The following CSMD1 variants were observed in gnomAD, a reference collection of about 807,000 sequenced individuals.
The protein encoded by CSMD1 is CUB and Sushi multiple domains 1, also known as CUB and sushi domain-containing protein 1.
Under a neutral mutation model 417.5 loss-of-function variants are expected in CSMD1, and 213 were observed. The observed-to-expected ratio is 0.51, with a 90% CI of 0.46 to 0.57. The LOEUF (loss-of-function observed/expected upper bound fraction) is 0.57. Among genes scored for constraint, CSMD1 ranks in the 20% least tolerant of loss-of-function variants. CSMD1 has a pLI of 0.00. For synonymous variants in CSMD1, 2,862 were observed against 1,736.8 expected (o/e 1.65, Z -16.11); for missense variants, 6,923 against 4,529.7 (o/e 1.53, Z -15.17).
rs1202170508 is a variant in CSMD1, at chr8:3,853,977, ATATT to A, written c.819-99939_819-99936del. On this transcript the variant is annotated intron_variant, in intron 5 of 69. Coordinates refer to ENST00000635120, the MANE Select transcript of CSMD1 (RefSeq NM_033225.6). ...AATATATTAAATATATCATGTCAAT[ATATT>A]TATATATTTAATATATGATACATAA... is the stretch of plus-strand genomic sequence containing the variant. Among the ~76,000 whole-genome samples the A allele has an allele frequency of 4.2e-5, 6 of 141,180 alleles. No individual in the cohort carries two copies. The East Asian group carries it at 7.8e-4, about 18-fold the overall frequency. 92.6% of individuals were successfully genotyped at this position (141,180 alleles called of 152,430 possible).
chr8:4,727,186 C>G (rs1020149958), intron 1 of CSMD1, among the ~76,000 whole-genome samples: 2 of 152,154 alleles, frequency 1.3e-5, no homozygotes, highest in Admixed American at 6.5e-5. Context: ...TCTCCATTCT[C>G]TCTGAGAAAG....
At chr8:4,572,540 G>A (rs750314970) in intron 2 of CSMD1, among the ~76,000 whole-genome samples, 2 of 152,132 alleles carry the variant, frequency 1.3e-5, no homozygotes, top group African/African-American at 4.8e-5. Flanking sequence ...CTCTCTAGCT[G>A]CCCTTAGCAT....
At chr8:3,635,992 C>T (rs912046826) in intron 7 of CSMD1, among the ~76,000 whole-genome samples, 11 of 152,088 alleles carry the variant, frequency 7.2e-5, no homozygotes, top group Non-Finnish European at 1.6e-4. Context: ...TAACACTTAG[C>T]TTGAAACACA....
intron 1 of CSMD1, among the ~76,000 whole-genome samples, chr8:4,743,515 GA>G (rs1176508416): frequency 6.6e-6 from 1 of 152,172 alleles, no homozygotes; most frequent in Non-Finnish European, 1.5e-5. Flanking sequence ...CTCCTGCTTT[GA>G]GTTCATGATG....
chr8:4,599,906 G>A lies in CSMD1; in HGVS notation c.302+37436C>T, dbSNP rs75663093. Among the ~76,000 whole-genome samples, 54 of 152,280 alleles carry A rather than the reference G, an allele frequency of 3.5e-4. No individual in the cohort carries two copies. In the East Asian group the frequency reaches 0.01, roughly 29 times the overall value. On this transcript the variant is annotated intron_variant, in intron 2 of 69. Coordinates refer to ENST00000635120, the MANE Select transcript of CSMD1 (RefSeq NM_033225.6). Reference sequence around the variant, plus strand: ...AGTTTTTTGTAAACTGCTCAAAGTAGCATAATTCATAAGCTGAACCCAGGT... The same window carrying A: ...AGTTTTTTGTAAACTGCTCAAAGTAACATAATTCATAAGCTGAACCCAGGT...
chr8:3,277,821 G>A (rs1179896761), intron 26 of CSMD1, among the ~76,000 whole-genome samples: 2 of 152,168 alleles, frequency 1.3e-5, no homozygotes, highest in African/African-American at 2.4e-5. Context: ...AATGGGATTG[G>A]GGGGATGAAT....
At chr8:4,173,303 A>G (rs1040664914) in intron 3 of CSMD1, among the ~76,000 whole-genome samples, 1 of 152,178 alleles carries the variant, frequency 6.6e-6, no homozygotes, top group African/African-American at 2.4e-5. Flanking sequence ...TCCAAATTGA[A>G]GTGGGAAATT....
At chr8:3,746,454 T>C (rs1021591734) in intron 6 of CSMD1, among the ~76,000 whole-genome samples, 2 of 152,230 alleles carry the variant, frequency 1.3e-5, no homozygotes, top group East Asian at 3.8e-4. Flanking sequence ...AAAGTGGTTT[T>C]ATATATAACA....
At chr8:3,308,555 C>T (rs1241301161) in intron 23 of CSMD1, 52 bp from the exon 24 acceptor site, 40 of 1,461,214 alleles carry the variant, frequency 2.7e-5, no homozygotes, top group Non-Finnish European at 3.6e-5. Context: ...GGACATCTGC[C>T]TTAAAACAGA....
At chr8:3,498,732 G>A (rs545086137) in intron 10 of CSMD1, among the ~76,000 whole-genome samples, 3 of 151,996 alleles carry the variant, frequency 2.0e-5, no homozygotes, top group Non-Finnish European at 4.4e-5. Context: ...CGAAAATCCT[G>A]TCTCCAGGTT....
chr8:4,384,364 C>T lies in CSMD1; in HGVS notation c.415+35589G>A, dbSNP rs148942207. Among the ~76,000 whole-genome samples, 175 of 152,288 alleles carry T rather than the reference C, an allele frequency of 1.1e-3. 1 individual carries two copies. The highest frequency in any genetic ancestry group is 2.1e-3 in the Non-Finnish European group (143 of 68,022). On this transcript the variant is annotated intron_variant, in intron 3 of 69. Transcript: ENST00000635120. ...CACCACAATGCAACGCATCTGAGGC[C>T]CATCACTATGAAGCTACAAAATATT...
At chr8:3,903,895 C>A (rs1474087332) in intron 5 of CSMD1, among the ~76,000 whole-genome samples, 1 of 152,078 alleles carries the variant, frequency 6.6e-6, no homozygotes, top group African/African-American at 2.4e-5. Flanking sequence ...TTTACCTCCA[C>A]AGGACACGTG....
chr8:3,288,245 G>T (rs953835131), intron 25 of CSMD1, among the ~76,000 whole-genome samples: 1 of 147,230 alleles, frequency 6.8e-6, no homozygotes, highest in Non-Finnish European at 1.5e-5. Flanking sequence ...GTTCATCAGG[G>T]ATATTGGTCT....
chr8:4,362,686 G>A (rs575993693), intron 3 of CSMD1, among the ~76,000 whole-genome samples: 3 of 152,204 alleles, frequency 2.0e-5, no homozygotes, highest in Non-Finnish European at 4.4e-5. Context: ...AGAAATTATG[G>A]GATGACTGAT....
intron 46 of CSMD1, among the ~76,000 whole-genome samples, chr8:3,101,055 GTTT>G (rs3053035): frequency 9.5e-4 from 133 of 140,418 alleles, no homozygotes; most frequent in Admixed American, 3.3e-3. Context: ...TACGTATGGT[GTTT>G]TTTTTTTTTT....
At chr8:3,678,302 G>A (rs373436625) in intron 7 of CSMD1, among the ~76,000 whole-genome samples, 9 of 152,246 alleles carry the variant, frequency 5.9e-5, no homozygotes, top group Admixed American at 2.6e-4. Flanking sequence ...ATGATTAGAC[G>A]AATGGCTAAC....
At chr8:3,119,461 A>G (rs538826872) in intron 41 of CSMD1, among the ~76,000 whole-genome samples, 11 of 149,476 alleles carry the variant, frequency 7.4e-5, no homozygotes, top group African/African-American at 2.7e-4. Context: ...AATTTTTTAT[A>G]ACATGATTTA....
At chr8:3,120,127 C>A (rs1447839900) in intron 41 of CSMD1, among the ~76,000 whole-genome samples, 1 of 152,016 alleles carries the variant, frequency 6.6e-6, no homozygotes, top group Non-Finnish European at 1.5e-5. Context: ...GAATTCTAGA[C>A]TTTTTTGTTT....
Position 4,139,864 on chromosome 8 carries a change from T to C in CSMD1, c.416-107765A>G, listed in dbSNP as rs112734979. On this transcript the variant is annotated intron_variant, in intron 3 of 69. Coordinates refer to ENST00000635120, the MANE Select transcript of CSMD1 (RefSeq NM_033225.6). ...GAACAAAGTGATCAGATGGAAATTT[T>C]AGATCAGCATGTTCATCAGAAGCAA... is the stretch of plus-strand genomic sequence containing the variant. Among the ~76,000 whole-genome samples, 135 of 151,022 alleles carry C rather than the reference T, an allele frequency of 8.9e-4. 14 individuals carry two copies. The highest frequency in any genetic ancestry group is 3.3e-3 in the African/African-American group (133 of 40,394).
Sources: allele counts gnomAD v4.1 joint callset (sites outside exome capture counted in the v4.1 genomes callset), GRCh38; gene constraint gnomAD v4.1.1; transcripts MANE v1.5; gene names NCBI Gene and HGNC (gene_info 2026-07-23, HGNC 2026-07-21).